The following KPNA1 variants were observed in gnomAD, a reference collection of about 807,000 sequenced individuals.
The protein encoded by KPNA1 is karyopherin subunit alpha 1, also known as importin subunit alpha-5.
KPNA1 carries 10 observed loss-of-function variants against 70.5 expected under a neutral mutation model. The observed-to-expected ratio is 0.14, with a 90% CI of 0.09 to 0.24. KPNA1 has a LOEUF of 0.24. KPNA1 is among the 10% of genes least tolerant of loss of function. KPNA1 has a pLI of 1.00. For missense variants in KPNA1, 397 were observed against 637.9 expected (o/e 0.62, Z 4.07); for synonymous variants, 192 against 221.9 (o/e 0.87, Z 1.20).
At chr3:122,496,020 T>C (rs946044091) in intron 2 of KPNA1, among the ~76,000 whole-genome samples, 3 of 152,218 alleles carry the variant, frequency 2.0e-5, no homozygotes, top group African/African-American at 7.2e-5. Flanking sequence ...TGTATGAGGT[T>C]TATTCTTTCT....
chr3:122,471,837 G>A (rs2076446045), intron 2 of KPNA1, among the ~76,000 whole-genome samples: 1 of 152,194 alleles, frequency 6.6e-6, no homozygotes. Flanking sequence ...AGACACAGCA[G>A]ATAAGACAAG....
intron 1 of KPNA1, among the ~76,000 whole-genome samples, chr3:122,507,725 T>G (rs1252828665): frequency 6.6e-6 from 1 of 151,836 alleles, no homozygotes; most frequent in Non-Finnish European, 1.5e-5. Flanking sequence ...AAATTATCTC[T>G]TATCTAAAAG....
chr3:122,491,736 A>C (rs2076700222), intron 2 of KPNA1, among the ~76,000 whole-genome samples: 1 of 152,016 alleles, frequency 6.6e-6, no homozygotes, highest in African/African-American at 2.4e-5. Flanking sequence ...AAGGTAATAG[A>C]GGTCATACAG....
chr3:122,481,259 TAA>T (rs2076567545), intron 2 of KPNA1, among the ~76,000 whole-genome samples: 3 of 152,106 alleles, frequency 2.0e-5, no homozygotes, highest in African/African-American at 7.2e-5. Context: ...TTCACAATAG[TAA>T]AAAAGTTAAT....
intron 12 of KPNA1, among the ~76,000 whole-genome samples, chr3:122,432,232 G>A (rs1031641748): frequency 1.3e-5 from 2 of 152,156 alleles, no homozygotes; most frequent in African/African-American, 4.8e-5. Flanking sequence ...TCTGGTGACA[G>A]CATAATTAAA....
In KPNA1 at chr3:122,496,563, CATG is replaced by C; in HGVS notation, c.-1_2del. ...GAAAGTTCTCTTTTCCTGGGGTGGT[CATG>C]ATTTCTACAATACAAGTGGGGAGAG... is the stretch of plus-strand genomic sequence containing the variant. On this transcript the variant is annotated start_lost and start_retained_variant and 5_prime_UTR_variant, in exon 2 of 14. Coordinates refer to ENST00000344337, the MANE Select transcript of KPNA1 (RefSeq NM_002264.4). 1.2e-6 allele frequency: 2 copies of C among 1,613,354 alleles called. No homozygotes were observed. The highest frequency in any genetic ancestry group is 1.7e-6 in the Non-Finnish European group (2 of 1,179,566).
intron 2 of KPNA1, among the ~76,000 whole-genome samples, chr3:122,472,754 A>G (rs74361664): frequency 0.094 from 14,261 of 152,244 alleles, 831 homozygotes; most frequent in Middle Eastern, 0.16. Context: ...GAAAATCACT[A>G]CAAATCTCAT....
At chr3:122,483,876 C>T (rs1457878482) in intron 2 of KPNA1, among the ~76,000 whole-genome samples, 1 of 152,060 alleles carries the variant, frequency 6.6e-6, no homozygotes, top group Non-Finnish European at 1.5e-5. Context: ...GTTTTTATAT[C>T]CTACAATACA....
intron 5 of KPNA1, chr3:122,460,183 GTA>G: frequency 1.0e-6 from 1 of 985,322 alleles, no homozygotes; most frequent in Non-Finnish European, 1.2e-6. Flanking sequence ...ACATGTATTT[GTA>G]ACTAATAAAG....
At chr3:122,482,384 C>T (rs778241415) in intron 2 of KPNA1, among the ~76,000 whole-genome samples, 1 of 152,168 alleles carries the variant, frequency 6.6e-6, no homozygotes, top group Non-Finnish European at 1.5e-5. Flanking sequence ...ATATGAAAAA[C>T]CTGTCATTAA....
intron 11 of KPNA1, among the ~76,000 whole-genome samples, chr3:122,435,515 G>A (rs771827127): frequency 1.3e-5 from 2 of 152,182 alleles, no homozygotes; most frequent in Admixed American, 6.5e-5. Flanking sequence ...AAAGCCAATC[G>A]TGCTCAGCAT....
At chr3:122,483,812 T>C (rs566538723) in intron 2 of KPNA1, among the ~76,000 whole-genome samples, 2 of 152,148 alleles carry the variant, frequency 1.3e-5, no homozygotes, top group Non-Finnish European at 2.9e-5. Context: ...AACCAGAAAA[T>C]AGTGTGGGAT....
At chr3:122,466,105 G>A (rs1560036693) in intron 3 of KPNA1, among the ~76,000 whole-genome samples, 1 of 152,106 alleles carries the variant, frequency 6.6e-6, no homozygotes, top group East Asian at 1.9e-4. Flanking sequence ...TGATGGCATT[G>A]GCTATGTCTG....
At chr3:122,470,096 A>G (rs982017982) in intron 2 of KPNA1, among the ~76,000 whole-genome samples, 3 of 152,370 alleles carry the variant, frequency 2.0e-5, no homozygotes, top group Non-Finnish European at 4.4e-5. Context: ...GAATAAGTGA[A>G]TGTAAAATTA....
chr3:122,510,168 T>C (rs780773860), intron 1 of KPNA1, among the ~76,000 whole-genome samples: 1 of 152,200 alleles, frequency 6.6e-6, no homozygotes, highest in Non-Finnish European at 1.5e-5. Flanking sequence ...TTTTCAGTCA[T>C]GTAAGATGTC....
intron 10 of KPNA1, 108 bp from the exon 11 acceptor site, chr3:122,437,403 A>G (rs1032754998): frequency 1.3e-6 from 1 of 756,030 alleles, no homozygotes. Context: ...TTGAAATTTT[A>G]TAAATAAGTA....
intron 11 of KPNA1, among the ~76,000 whole-genome samples, chr3:122,436,268 A>T (rs2075986398): frequency 6.6e-6 from 1 of 152,192 alleles, no homozygotes; most frequent in Admixed American, 6.5e-5. Context: ...ATAAGATGTT[A>T]TCGATGACAA....
At chr3:122,470,452 C>T (rs2076428700) in intron 2 of KPNA1, among the ~76,000 whole-genome samples, 1 of 151,832 alleles carries the variant, frequency 6.6e-6, no homozygotes, top group East Asian at 1.9e-4. Context: ...GTGGAGCTTG[C>T]AGTGAGCCAA....
At chr3:122,498,877 T>A (rs1015012843) in intron 1 of KPNA1, among the ~76,000 whole-genome samples, 1 of 152,232 alleles carries the variant, frequency 6.6e-6, no homozygotes, top group African/African-American at 2.4e-5. Flanking sequence ...CTTCCACTTA[T>A]TTAAGATAGG....
Sources: allele counts gnomAD v4.1 joint callset (sites outside exome capture counted in the v4.1 genomes callset), GRCh38; gene constraint gnomAD v4.1.1; transcripts MANE v1.5; gene names NCBI Gene and HGNC (gene_info 2026-07-23, HGNC 2026-07-21).